NTM: variants seen among roughly 807,000 people sequenced by gnomAD.
NTM encodes the protein IgLON family member 2.
Under a neutral mutation model 42.1 loss-of-function variants are expected in NTM, and 13 were observed. That is an observed-to-expected ratio of 0.31 (90% CI 0.20 to 0.49). The LOEUF (loss-of-function observed/expected upper bound fraction) is 0.49, where lower values mean the gene tolerates loss of function less well. Among genes scored for constraint, NTM ranks in the 20% least tolerant of loss-of-function variants. The pLI, the probability that NTM is intolerant of heterozygous loss-of-function variation, is 0.99. For missense variants in NTM, 373 were observed against 452.8 expected (o/e 0.82, Z 1.60); for synonymous variants, 187 against 179.2 (o/e 1.04, Z -0.35).
At chr11:131,595,264 C>T (rs894184404) in intron 1 of NTM, among the ~76,000 whole-genome samples, 2 of 152,148 alleles carry the variant, frequency 1.3e-5, no homozygotes, top group Non-Finnish European at 1.5e-5. Flanking sequence ...TACCCTCCCT[C>T]CACATCACCA....
intron 1 of NTM, among the ~76,000 whole-genome samples, chr11:131,675,906 C>A (rs192466609): frequency 6.6e-6 from 1 of 152,284 alleles, no homozygotes; most frequent in East Asian, 1.9e-4. Flanking sequence ...GACTTTGCTT[C>A]CAGGGGCAAG....
At chr11:131,600,978 C>T (rs780438609) in intron 1 of NTM, among the ~76,000 whole-genome samples, 2 of 152,212 alleles carry the variant, frequency 1.3e-5, no homozygotes, top group Non-Finnish European at 2.9e-5. Flanking sequence ...CAAAATGCAT[C>T]TCCTCAGCTT....
intron 1 of NTM, among the ~76,000 whole-genome samples, chr11:131,380,098 C>T (rs150461901): frequency 9.9e-5 from 15 of 152,244 alleles, no homozygotes; most frequent in East Asian, 5.8e-4. Context: ...GTAAAGCACA[C>T]GAGCATGCTG....
At chr11:132,250,700 T>C (rs1053272443) in intron 4 of NTM, among the ~76,000 whole-genome samples, 1 of 152,216 alleles carries the variant, frequency 6.6e-6, no homozygotes, top group Non-Finnish European at 1.5e-5. Context: ...TTTTCTTTTC[T>C]AGAAGTCCTA....
intron 2 of NTM, among the ~76,000 whole-genome samples, chr11:131,951,037 G>T (rs755716242): frequency 1.9e-4 from 29 of 152,112 alleles, no homozygotes; most frequent in African/African-American, 3.6e-4. Flanking sequence ...TTTTGCTGCT[G>T]CCCAGGCTGC....
chr11:131,931,692 A>C (rs901622538), intron 2 of NTM, among the ~76,000 whole-genome samples: 1 of 152,128 alleles, frequency 6.6e-6, no homozygotes, highest in African/African-American at 2.4e-5. Context: ...GCAAGACCTC[A>C]GGAGGTGACT....
chr11:131,793,134 A>T (rs2091159293), intron 1 of NTM, among the ~76,000 whole-genome samples: 1 of 152,258 alleles, frequency 6.6e-6, no homozygotes, highest in South Asian at 2.1e-4. Flanking sequence ...AAACTGCAAC[A>T]CACGAAGGAC....
intron 1 of NTM, among the ~76,000 whole-genome samples, chr11:131,714,510 G>A (rs184556271): frequency 2.2e-4 from 33 of 152,146 alleles, no homozygotes; most frequent in Non-Finnish European, 3.7e-4. Context: ...TCTATCTATT[G>A]GGAGACTCCC....
chr11:131,721,317 T>C (rs1044125983), intron 1 of NTM, among the ~76,000 whole-genome samples: 2 of 152,142 alleles, frequency 1.3e-5, no homozygotes, highest in East Asian at 1.9e-4. Flanking sequence ...CAAGAAGATA[T>C]GGGATAAATT....
At chr11:132,262,828 C>A (rs1428167644) in intron 4 of NTM, among the ~76,000 whole-genome samples, 1 of 152,200 alleles carries the variant, frequency 6.6e-6, no homozygotes, top group African/African-American at 2.4e-5. Flanking sequence ...TAACTCGCTC[C>A]AGAATGAACT....
intron 1 of NTM, among the ~76,000 whole-genome samples, chr11:131,909,069 T>C (rs1456088940): frequency 6.6e-6 from 1 of 152,122 alleles, no homozygotes; most frequent in African/African-American, 2.4e-5. Flanking sequence ...GAGGGAACAA[T>C]TGGCCCAATG....
intron 1 of NTM, chr11:131,539,688 C>T (rs1358204106): frequency 2.0e-5 from 3 of 152,422 alleles, no homozygotes; most frequent in African/African-American, 4.8e-5. Flanking sequence ...AAGCAAAGGG[C>T]TTTGAGGCAA....
intron 2 of NTM, among the ~76,000 whole-genome samples, chr11:131,992,088 A>G (rs2067126422): frequency 1.3e-5 from 2 of 152,122 alleles, no homozygotes; most frequent in South Asian, 4.2e-4. Flanking sequence ...TTATACACAG[A>G]TTTTCTTCCA....
intron 3 of NTM, among the ~76,000 whole-genome samples, chr11:132,155,218 TCTC>T (rs1327822190): frequency 4.6e-5 from 7 of 152,312 alleles, no homozygotes; most frequent in African/African-American, 1.7e-4. Flanking sequence ...GGAAAAATGA[TCTC>T]CTTGTTTTAG....
intron 2 of NTM, among the ~76,000 whole-genome samples, chr11:132,134,429 C>A (rs921495623): frequency 6.6e-6 from 1 of 151,770 alleles, no homozygotes; most frequent in Non-Finnish European, 1.5e-5. Context: ...CACCTTCACT[C>A]GAGCAGTGTA....
intron 1 of NTM, among the ~76,000 whole-genome samples, chr11:131,481,411 C>T (rs952891408): frequency 1.3e-5 from 2 of 152,174 alleles, no homozygotes; most frequent in Non-Finnish European, 2.9e-5. Flanking sequence ...ATAGGACTGA[C>T]CCCAGTTTGG....
intron 3 of NTM, among the ~76,000 whole-genome samples, chr11:132,210,956 GGAGA>G (rs376029776): frequency 3.0e-3 from 449 of 151,732 alleles, no homozygotes; most frequent in African/African-American, 0.01. Flanking sequence ...AGAAGGTGGG[GGAGA>G]GAGAGAGAGA....
At position 131,456,327 on chromosome 11, in the gene NTM, G is replaced by A. The variant is rs913677817; in HGVS notation, c.82+85439G>A. On this transcript the variant is annotated intron_variant, in intron 1 of 8. Coordinates refer to ENST00000683400, the MANE Select transcript of NTM (RefSeq NM_001352005.2). ...AATTATATTTCTGAAGCAATGTTAT[G>A]TGTCCTGAGTGCTTTTTCCCTTGGC... is the stretch of plus-strand genomic sequence containing the variant. Among the ~76,000 whole-genome samples the A allele has an allele frequency of 2.6e-5, 4 of 152,348 alleles. No homozygotes were observed. In the South Asian group the frequency reaches 8.3e-4, roughly 32 times the overall value.
chr11:131,831,735 T>G (rs781684351), intron 1 of NTM, among the ~76,000 whole-genome samples: 1 of 152,118 alleles, frequency 6.6e-6, no homozygotes, highest in Non-Finnish European at 1.5e-5. Context: ...GCTGTGACTT[T>G]TCTGTAAAAA....
Sources: allele counts gnomAD v4.1 joint callset (sites outside exome capture counted in the v4.1 genomes callset), GRCh38; gene constraint gnomAD v4.1.1; transcripts MANE v1.5; gene names NCBI Gene and HGNC (gene_info 2026-07-23, HGNC 2026-07-21).